Variants in DDO observed in about 807,000 individuals in gnomAD.
The protein encoded by DDO is D-aspartate oxidase.
In DDO, 16 loss-of-function variants were observed where a neutral mutation model predicts 16.8. The ratio of observed to expected loss-of-function variants is 0.95; its 90% CI spans 0.65 to 1.45. The LOEUF (loss-of-function observed/expected upper bound fraction) is 1.45, where lower values mean the gene tolerates loss of function less well. DDO is among the 40% of genes most tolerant of loss of function. DDO has a pLI of 0.00. For missense variants in DDO, 429 were observed against 420.3 expected (o/e 1.02, Z -0.18); for synonymous variants, 180 against 167.2 (o/e 1.08, Z -0.59).
intron 1 of DDO, among the ~76,000 whole-genome samples, chr6:110,413,859 C>T (rs776275499): frequency 5.3e-5 from 8 of 152,202 alleles, no homozygotes; most frequent in South Asian, 2.1e-4. Flanking sequence ...CTGCAACCTC[C>T]GCCTCCCAGG....
Position 110,404,970 on chromosome 6 carries a change from C to T in DDO, c.282-20G>A, listed in dbSNP as rs761693931. ...TGCCAACTCAAACGTATTAAGTGAA[C>T]ATTTTTTCCTGAAATTTGTGAAATA... On this transcript the variant is annotated intron_variant, in intron 3 of 4. Transcript: ENST00000368924. 5.0e-6 allele frequency: 8 copies of T among 1,606,570 alleles called. No individual in the cohort carries two copies. Among genetic ancestry groups the T allele is most frequent in the Middle Eastern group, 1.7e-4 (1 of 6,016 alleles).
chr6:110,413,158 GAGGAA>G, intron 2 of DDO, 128 bp downstream of exon 2: 1 of 1,039,186 alleles, frequency 9.6e-7, no homozygotes, highest in Non-Finnish European at 1.4e-6. Context: ...AAGAGAAAAA[GAGGAA>G]AGGAAAAAGA....
downstream of DDO, among the ~76,000 whole-genome samples, chr6:110,389,119 T>C (rs1485587538): frequency 1.3e-5 from 2 of 152,318 alleles, no homozygotes; most frequent in South Asian, 2.1e-4. Flanking sequence ...GTGGACATCA[T>C]CCAATCTGTT....
chr6:110,393,440 T>C (rs994918534), intron 4 of DDO, 98 bp from the exon 5 acceptor site: 1 of 1,468,990 alleles, frequency 6.8e-7, no homozygotes, highest in Non-Finnish European at 9.0e-7. Flanking sequence ...AATTAGGTGA[T>C]GATCTGATGA....
intron 2 of DDO, among the ~76,000 whole-genome samples, chr6:110,412,536 A>C (rs913472081): frequency 1.2e-4 from 19 of 152,140 alleles, no homozygotes; most frequent in Non-Finnish European, 2.1e-4. Context: ...GAGGGTGGAG[A>C]CATGTGGCCT....
chr6:110,411,958 A>G (rs994060775), intron 2 of DDO, among the ~76,000 whole-genome samples: 1 of 152,220 alleles, frequency 6.6e-6, no homozygotes, highest in African/African-American at 2.4e-5. Flanking sequence ...ATGTTCAAAA[A>G]TCAATGCATT....
intron 4 of DDO, among the ~76,000 whole-genome samples, chr6:110,401,215 T>C (rs547649109): frequency 5.3e-5 from 8 of 152,320 alleles, no homozygotes; most frequent in Non-Finnish European, 1.0e-4. Flanking sequence ...GTGGTTGTGG[T>C]AGAGGTGTGT....
At chr6:110,412,531 T>C (rs2114843391) in intron 2 of DDO, among the ~76,000 whole-genome samples, 1 of 152,196 alleles carries the variant, frequency 6.6e-6, no homozygotes, top group African/African-American at 2.4e-5. Flanking sequence ...CTGCTGAGGG[T>C]GGAGACATGT....
At position 110,413,478 on chromosome 6, in the gene DDO, G is replaced by C. The variant is rs185941927; in HGVS notation, c.-4-12C>G. ...CTGTGTCCATGAGCCTGTGAGGAGG[G>C]AAATGGGAGCTATACCCCTTGTTTT... is the stretch of plus-strand genomic sequence containing the variant. On this transcript the variant is annotated splice_polypyrimidine_tract_variant and intron_variant, in intron 1 of 4. Coordinates refer to ENST00000368924, the MANE Select transcript of DDO (RefSeq NM_001372108.2). 1.2e-6 allele frequency: 2 copies of C among 1,611,342 alleles called. No individual in the cohort carries two copies. The highest frequency in any genetic ancestry group is 1.7e-6 in the Non-Finnish European group (2 of 1,179,016).
chr6:110,414,538 C>A (rs182488262), intron 1 of DDO, among the ~76,000 whole-genome samples: 61 of 152,384 alleles, frequency 4.0e-4, no homozygotes, highest in Admixed American at 3.0e-3. Context: ...GGCTGGCACC[C>A]TCTGTCCCAC....
At position 110,405,966 on chromosome 6, in the gene DDO, T is replaced by C. The variant is rs147594913; in HGVS notation, c.282-1016A>G. Among the ~76,000 whole-genome samples, 752 of 152,230 alleles carry C rather than the reference T, an allele frequency of 4.9e-3. 3 individuals are homozygous for C. Among genetic ancestry groups the C allele is most frequent in the African/African-American group, 0.017 (717 of 41,536 alleles). ...AGGAAAATAATCTGAGTGCTAAGCA[T>C]AGTTGCTAATAATTCCCCCATCGGA... On this transcript the variant is annotated intron_variant, in intron 3 of 4. Coordinates refer to ENST00000368924, the MANE Select transcript of DDO (RefSeq NM_001372108.2).
At chr6:110,410,510 G>A (rs377448364) in intron 2 of DDO, among the ~76,000 whole-genome samples, 16 of 152,212 alleles carry the variant, frequency 1.1e-4, no homozygotes, top group South Asian at 4.1e-4. Context: ...ATTGACTCAC[G>A]GTTCAGCATG....
At chr6:110,412,343 T>G (rs943709260) in intron 2 of DDO, among the ~76,000 whole-genome samples, 2 of 152,246 alleles carry the variant, frequency 1.3e-5, no homozygotes, top group Non-Finnish European at 2.9e-5. Context: ...ATAATTGTTC[T>G]TATACAGGCT....
intron 3 of DDO, among the ~76,000 whole-genome samples, chr6:110,407,291 G>T (rs1029613334): frequency 4.6e-5 from 7 of 152,098 alleles, no homozygotes; most frequent in Non-Finnish European, 1.0e-4. Flanking sequence ...TTTCTACTTG[G>T]CTCATCAACT....
At chr6:110,400,932 C>A (rs1184503997) in intron 4 of DDO, among the ~76,000 whole-genome samples, 1 of 151,612 alleles carries the variant, frequency 6.6e-6, no homozygotes, top group Non-Finnish European at 1.5e-5. Flanking sequence ...CCAGCCAGAG[C>A]CCTCTCCCTT....
chr6:110,388,755 A>G (rs954187994), downstream of DDO: 16 of 978,818 alleles, frequency 1.6e-5, no homozygotes, highest in African/African-American at 5.3e-5. Context: ...ACTCAGCCAC[A>G]AAGGCCAGAC....
intron 4 of DDO, among the ~76,000 whole-genome samples, chr6:110,398,676 T>C (rs1389644981): frequency 6.6e-6 from 1 of 152,050 alleles, no homozygotes; most frequent in East Asian, 1.9e-4. Flanking sequence ...AGGAAGCCAG[T>C]TTCTTTCACA....
At chr6:110,400,460 C>G (rs1439633403) in intron 4 of DDO, among the ~76,000 whole-genome samples, 1 of 152,050 alleles carries the variant, frequency 6.6e-6, no homozygotes, top group Non-Finnish European at 1.5e-5. Flanking sequence ...TATGAGGACT[C>G]CTCAGAGGAG....
chr6:110,390,704 T>A (rs984581019), downstream of DDO, among the ~76,000 whole-genome samples: 7 of 152,246 alleles, frequency 4.6e-5, no homozygotes, highest in African/African-American at 1.7e-4. Context: ...TCGAAATGAC[T>A]GAAATTCTAC....
Sources: gnomAD v4.1 joint callset for allele counts (sites outside exome capture counted in the v4.1 genomes callset) on GRCh38, gnomAD v4.1.1 for gene constraint, MANE v1.5 for transcripts, NCBI Gene and HGNC (gene_info 2026-07-23, HGNC 2026-07-21) for gene names.